ARHGAP11A: variants seen among roughly 807,000 people sequenced by gnomAD.
ARHGAP11A encodes the protein rho GTPase-activating protein 11A.
In ARHGAP11A, 36 loss-of-function variants were observed where a neutral mutation model predicts 60.5. The ratio of observed to expected loss-of-function variants is 0.59; its 90% CI spans 0.46 to 0.79. The LOEUF (loss-of-function observed/expected upper bound fraction) is 0.79, where lower values mean the gene tolerates loss of function less well. Ranked by LOEUF, ARHGAP11A falls within the 30% of genes least tolerant of loss-of-function variation. The pLI, the probability that ARHGAP11A is intolerant of heterozygous loss-of-function variation, is 0.00. For missense variants in ARHGAP11A, 1,071 were observed against 1,199.2 expected (o/e 0.89, Z 1.58); for synonymous variants, 362 against 415.5 (o/e 0.87, Z 1.57).
chr15:32,624,288 A>G lies in ARHGAP11A; in HGVS notation c.413A>G (p.His138Arg), dbSNP rs760861482. 2 of 1,613,822 alleles carry G rather than the reference A, an allele frequency of 1.2e-6. No homozygotes were observed. The highest frequency in any genetic ancestry group is 1.7e-6 in the Non-Finnish European group (2 of 1,179,844). ...GAGCCCATTCTCCCAGCTGATTTGC[A>G]TGAAGCACTTTTGAAAGCTCAACAG... ...LPEPILPADL[H>R]EALLKAQQLG... The change falls in exon 4 of 12, where the codon CAT becomes CGT. Residue 138 changes from histidine (H) to arginine (R), a missense_variant. This residue lies in a region of ARHGAP11A where 196 missense variants were observed against 272.1 expected (regional missense o/e 0.72). Transcript: ENST00000361627.
chr15:32,626,475 CAG>C (rs2053460058), intron 6 of ARHGAP11A, among the ~76,000 whole-genome samples: 1 of 152,090 alleles, frequency 6.6e-6, no homozygotes, highest in African/African-American at 2.4e-5. Context: ...TTTTGAATAT[CAG>C]AACCAAATGT....
chr15:32,627,430 T>TA (rs1297684333), intron 6 of ARHGAP11A, among the ~76,000 whole-genome samples: 1 of 152,030 alleles, frequency 6.6e-6, no homozygotes, highest in African/African-American at 2.4e-5. Context: ...ATTGCATTGT[T>TA]ACTGTAAGAA....
intron 6 of ARHGAP11A, 29 bp from the exon 7 acceptor site, chr15:32,628,699 G>T (rs2053522676): frequency 6.6e-7 from 1 of 1,517,296 alleles, no homozygotes; most frequent in South Asian, 1.3e-5. Flanking sequence ...TAAATGTGAA[G>T]TTGTAATTGC....
In ARHGAP11A at chr15:32,636,579, G is replaced by A. The variant is rs374853485; in HGVS notation, c.1806G>A (p.Ala602=). ...AGACTTTGGTGAAAGTTCAAAAAGC[G>A]TTTTCTGAATCTGGAAGTAATCTTC... ...TKETLVKVQK[A]FSESGSNLHA... The change falls in exon 12 of 12, where the codon GCG becomes GCA. Residue 602 remains alanine (A), a synonymous_variant. Coordinates refer to ENST00000361627, the MANE Select transcript of ARHGAP11A (RefSeq NM_014783.6). 69 of 1,613,946 alleles carry A rather than the reference G, an allele frequency of 4.3e-5. No homozygotes were observed. The African/African-American group carries it at 7.6e-4, about 18-fold the overall frequency.
intron 1 of ARHGAP11A, among the ~76,000 whole-genome samples, chr15:32,617,513 C>T (rs2140437391): frequency 6.9e-6 from 1 of 144,144 alleles, no homozygotes; most frequent in South Asian, 2.2e-4. Flanking sequence ...CCTCTGTCGC[C>T]CAGGCTGGAG....
intron 8 of ARHGAP11A, among the ~76,000 whole-genome samples, chr15:32,632,665 A>G (rs530072380): frequency 3.9e-5 from 6 of 152,310 alleles, no homozygotes; most frequent in African/African-American, 1.2e-4. Flanking sequence ...CCTGTCTCCA[A>G]ATCTTGTTCT....
At chr15:32,617,660 G>A (rs572412279) in intron 1 of ARHGAP11A, among the ~76,000 whole-genome samples, 1 of 152,160 alleles carries the variant, frequency 6.6e-6, no homozygotes, top group South Asian at 2.1e-4. Flanking sequence ...TTTTAGTAGA[G>A]ACGGGATTTC....
rs1364793389 is a variant in ARHGAP11A at position 32,637,931 on chromosome 15, T to C, written c.*86T>C. 8.6e-7 allele frequency: 1 copy of C among 1,168,174 alleles called. No individual in the cohort carries two copies. Among genetic ancestry groups the C allele is most frequent in the African/African-American group, 1.6e-5 (1 of 64,410 alleles). 72.4% of individuals were successfully genotyped at this position (1,168,174 alleles called of 1,614,324 possible). The stretch of plus-strand genomic sequence containing the variant: ...GATGATGTACATGTTAGTTTGTAGC[T>C]CAGGATGATTGTTAAGCAATAGATT... On this transcript the variant is annotated 3_prime_UTR_variant, in exon 12 of 12. Transcript: ENST00000361627.
intron 2 of ARHGAP11A, among the ~76,000 whole-genome samples, chr15:32,620,699 C>A (rs186753493): frequency 8.0e-4 from 122 of 152,014 alleles, no homozygotes; most frequent in African/African-American, 2.9e-3. Context: ...TATGTGAATT[C>A]TTTTGCCACA....
At chr15:32,616,485 A>T in intron 1 of ARHGAP11A, 145 bp downstream of exon 1, 1 of 1,331,064 alleles carries the variant, frequency 7.5e-7, no homozygotes, top group Non-Finnish European at 9.9e-7. Context: ...TCGATTGCTG[A>T]TATTTAAAAA....
chr15:32,633,189 C>CA, intron 9 of ARHGAP11A, 81 bp downstream of exon 9: 1 of 1,488,240 alleles, frequency 6.7e-7, no homozygotes, highest in Non-Finnish European at 9.2e-7. Context: ...GTCTTTCTGT[C>CA]AAGCATCATA....
At position 32,636,725 on chromosome 15, in the gene ARHGAP11A, T is replaced by A. The variant is rs914090958; in HGVS notation, c.1952T>A (p.Ile651Lys). 1 of 1,613,856 alleles carries A rather than the reference T, an allele frequency of 6.2e-7. No individual in the cohort carries two copies. Among genetic ancestry groups the A allele is most frequent in the Admixed American group, 1.7e-5 (1 of 59,982 alleles). The change falls in exon 12 of 12, where the codon ATA becomes AAA. Residue 651 changes from isoleucine to lysine, a missense_variant. Around this residue, in one of 4 missense-constraint regions of ARHGAP11A, gnomAD observed 776 missense variants for 760.2 expected, o/e 1.02. Coordinates refer to ENST00000361627, the MANE Select transcript of ARHGAP11A (RefSeq NM_014783.6). ...ENLFETNDLT[I>K]VESKEKYEHH... The stretch of plus-strand genomic sequence containing the variant: ...CTATTTGAAACTAATGATTTGACTA[T>A]AGTAGAATCAAAGGAGAAATATGAA...
At chr15:32,631,366 G>C (rs2053579494) in intron 8 of ARHGAP11A, among the ~76,000 whole-genome samples, 1 of 151,514 alleles carries the variant, frequency 6.6e-6, no homozygotes, top group South Asian at 2.1e-4. Context: ...CACAATCTCG[G>C]CTCACTGCAG....
At chr15:32,629,817 C>G in intron 8 of ARHGAP11A, 55 bp downstream of exon 8, 2 of 1,243,294 alleles carry the variant, frequency 1.6e-6, no homozygotes, top group Non-Finnish European at 2.3e-6. Flanking sequence ...AGTGCCTATT[C>G]TGGGCACAGT....
In ARHGAP11A at chr15:32,615,826, A is replaced by C; in HGVS notation, c.-386A>C. 1 of 209,854 alleles carries C rather than the reference A, an allele frequency of 4.8e-6. No homozygotes were observed. The highest frequency in any genetic ancestry group is 9.6e-6 in the Non-Finnish European group (1 of 103,876). 13.0% of individuals were successfully genotyped at this position (209,854 alleles called of 1,614,324 possible). On this transcript the variant is annotated 5_prime_UTR_variant, in exon 1 of 12. Transcript: ENST00000361627. ...TCAGAGCGAACCAGACGGGGACAGT[A>C]AGGTTTGGAGGAAGGGGGATCGTTG...
chr15:32,621,926 G>C (rs1344816289), intron 2 of ARHGAP11A, among the ~76,000 whole-genome samples: 2 of 152,308 alleles, frequency 1.3e-5, no homozygotes, highest in Admixed American at 1.3e-4. Flanking sequence ...GGTTCATTTG[G>C]GCTACTATAG....
In ARHGAP11A at chr15:32,638,649, C is replaced by G. The variant is rs542742384; in HGVS notation, c.*804C>G. 1 of 152,652 alleles carries G rather than the reference C, an allele frequency of 6.6e-6. No homozygotes were observed. Among genetic ancestry groups the G allele is most frequent in the African/African-American group, 2.4e-5 (1 of 41,536 alleles). 9.5% of individuals were successfully genotyped at this position (152,652 alleles called of 1,614,324 possible). A position where few individuals can be genotyped will look rare whatever the true frequency, so the allele number is the denominator to read the frequency against. ...CCTAAAACTCTATTTTTATTTGGGG[C>G]AGAGTAATTTCATTTATAGTGCCAG... On this transcript the variant is annotated 3_prime_UTR_variant, in exon 12 of 12. Transcript: ENST00000361627.
chr15:32,629,676 G>A lies in ARHGAP11A; in HGVS notation c.1019G>A (p.Ser340Asn). ...GTAGATTCTTCTCATGGTTTCTCAAGTAAGAAAAGGAAGTCCATCAAGCAC... is the reference window on the plus strand; with the variant it reads ...GTAGATTCTTCTCATGGTTTCTCAAATAAGAAAAGGAAGTCCATCAAGCAC... Reference protein sequence around the residue: ...LPVDSSHGFSSKKRKSIKHNF... With the variant: ...LPVDSSHGFSNKKRKSIKHNF... The change falls in exon 8 of 12, where the codon AGT becomes AAT. Residue 340 changes from serine to asparagine, a missense_variant. Coordinates refer to ENST00000361627, the MANE Select transcript of ARHGAP11A (RefSeq NM_014783.6). 6.2e-7 allele frequency: 1 copy of A among 1,613,594 alleles called. No individual in the cohort carries two copies. The highest frequency in any genetic ancestry group is 8.5e-7 in the Non-Finnish European group (1 of 1,179,740).
chr15:32,626,928 C>A (rs901193163), intron 6 of ARHGAP11A, among the ~76,000 whole-genome samples: 3 of 152,104 alleles, frequency 2.0e-5, no homozygotes, highest in Non-Finnish European at 4.4e-5. Flanking sequence ...TGTAAAGACA[C>A]GAATTCCAAG....
Sources: allele counts gnomAD v4.1 joint callset (sites outside exome capture counted in the v4.1 genomes callset), GRCh38; gene constraint gnomAD v4.1.1; regional missense constraint gnomAD v4.1.1; transcripts MANE v1.5; gene names NCBI Gene and HGNC (gene_info 2026-07-23, HGNC 2026-07-21).